SLIT3: variants seen among roughly 807,000 people sequenced by gnomAD.
SLIT3 encodes slit homolog 3 protein.
A neutral mutation model predicts 184.0 loss-of-function variants in SLIT3; 68 were observed. The observed-to-expected ratio is 0.37, with a 90% confidence interval of 0.30 to 0.45. SLIT3 has a LOEUF of 0.45. Ranked by LOEUF, SLIT3 falls within the 20% of genes least tolerant of loss-of-function variation. SLIT3 has a pLI of 1.00. For missense variants in SLIT3, 1,707 were observed against 2,026.0 expected, an observed-to-expected ratio of 0.84 and a Z score of 3.02; for synonymous variants, 831 against 828.6, an observed-to-expected ratio of 1.00 and a Z score of -0.05.
intron 27 of SLIT3, among the ~76,000 whole-genome samples, chr5:168,699,216 G>C (rs1762145869): frequency 6.6e-6 from 1 of 152,246 alleles, no homozygotes; most frequent in Admixed American, 6.5e-5. Flanking sequence ...GATGGAGCTG[G>C]CTTGGCAGGT....
intron 33 of SLIT3, among the ~76,000 whole-genome samples, chr5:168,672,372 C>T (rs761842426): frequency 2.0e-4 from 30 of 152,204 alleles, no homozygotes; most frequent in African/African-American, 6.5e-4. Flanking sequence ...TAGGATTGAA[C>T]GAGCAGTTTT....
chr5:168,790,937 A>G (rs1756341273), intron 10 of SLIT3: 1 of 152,174 alleles, frequency 6.6e-6, no homozygotes. Context: ...TTTGAACGAT[A>G]TTTCACAGGT....
At chr5:168,810,094 C>A (rs1176455282) in intron 8 of SLIT3, among the ~76,000 whole-genome samples, 1 of 152,206 alleles carries the variant, frequency 6.6e-6, no homozygotes, top group Non-Finnish European at 1.5e-5. Flanking sequence ...CCTTCCAGCC[C>A]TTACTGTCCA....
At chr5:168,877,167 A>C (rs1759761420) in intron 5 of SLIT3, among the ~76,000 whole-genome samples, 1 of 152,206 alleles carries the variant, frequency 6.6e-6, no homozygotes, top group African/African-American at 2.4e-5. Context: ...AGTAACAAGA[A>C]ATAAATGAGA....
chr5:169,141,332 G>T (rs1761728984), intron 4 of SLIT3, among the ~76,000 whole-genome samples: 3 of 152,032 alleles, frequency 2.0e-5, no homozygotes, highest in Admixed American at 2.0e-4. Context: ...TCTTAATTCT[G>T]CCTCTTTCCT....
chr5:169,114,762 C>A (rs1760587630), intron 4 of SLIT3, among the ~76,000 whole-genome samples: 2 of 152,244 alleles, frequency 1.3e-5, no homozygotes, highest in African/African-American at 4.8e-5. Context: ...CTCTCACCAC[C>A]TGGGAAGGAG....
intron 4 of SLIT3, among the ~76,000 whole-genome samples, chr5:169,109,379 C>A (rs181638967): frequency 6.6e-6 from 1 of 152,198 alleles, no homozygotes; most frequent in Non-Finnish European, 1.5e-5. Context: ...CTGCCAACAA[C>A]TGAATGAGCT....
At chr5:168,852,014 T>C (rs1038900112) in intron 5 of SLIT3, among the ~76,000 whole-genome samples, 2 of 152,174 alleles carry the variant, frequency 1.3e-5, no homozygotes, top group Non-Finnish European at 2.9e-5. Context: ...GCCTTCCTCG[T>C]TGGGAATTAG....
intron 1 of SLIT3, among the ~76,000 whole-genome samples, chr5:169,270,456 T>C (rs536222321): frequency 2.0e-4 from 31 of 152,110 alleles, no homozygotes; most frequent in Non-Finnish European, 4.6e-4. Context: ...TCATGACACA[T>C]AAAAATTATA....
intron 20 of SLIT3, among the ~76,000 whole-genome samples, chr5:168,744,700 T>C (rs4591764): frequency 0.4 from 61,140 of 152,086 alleles, 13,352 homozygotes; most frequent in East Asian, 0.55. Flanking sequence ...CATGTCTGTT[T>C]ATGGCATATT....
At chr5:168,691,549 C>A (rs897534433) in intron 29 of SLIT3, among the ~76,000 whole-genome samples, 1 of 152,204 alleles carries the variant, frequency 6.6e-6, no homozygotes, top group African/African-American at 2.4e-5. Flanking sequence ...GGGCATTCTC[C>A]TTAAAGACTC....
chr5:169,174,467 C>T (rs1390199619), intron 4 of SLIT3, among the ~76,000 whole-genome samples: 1 of 152,154 alleles, frequency 6.6e-6, no homozygotes, highest in African/African-American at 2.4e-5. Context: ...TGATCAGCTT[C>T]CAAGTTGGAA....
At chr5:168,829,053 T>C (rs1459741953) in intron 6 of SLIT3, among the ~76,000 whole-genome samples, 1 of 152,202 alleles carries the variant, frequency 6.6e-6, no homozygotes, top group Non-Finnish European at 1.5e-5. Flanking sequence ...TGGCTTCCAC[T>C]GTTCCCTTCT....
At chr5:168,735,831 C>G (rs1763420512) in intron 20 of SLIT3, among the ~76,000 whole-genome samples, 1 of 152,098 alleles carries the variant, frequency 6.6e-6, no homozygotes, top group African/African-American at 2.4e-5. Context: ...AAAATTCTTC[C>G]TGGATTCCTG....
At chr5:168,843,966 C>T (rs1758357548) in intron 6 of SLIT3, among the ~76,000 whole-genome samples, 1 of 151,986 alleles carries the variant, frequency 6.6e-6, no homozygotes, top group Non-Finnish European at 1.5e-5. Context: ...TCTCATCTCC[C>T]CCTATTTCCT....
chr5:168,855,716 G>C (rs1758838505), intron 5 of SLIT3, among the ~76,000 whole-genome samples: 1 of 152,192 alleles, frequency 6.6e-6, no homozygotes. Flanking sequence ...CCAGAGGCTG[G>C]GGGCAGGGAG....
intron 12 of SLIT3, 53 bp downstream of exon 12, chr5:168,785,854 G>A (rs1385250953): frequency 1.5e-6 from 2 of 1,305,950 alleles, no homozygotes; most frequent in Admixed American, 3.4e-5. Context: ...GTTTTCAGGT[G>A]GGAGCCTTCC....
chr5:169,234,758 G>A (rs775321381), intron 3 of SLIT3, among the ~76,000 whole-genome samples: 3 of 152,122 alleles, frequency 2.0e-5, no homozygotes, highest in Non-Finnish European at 2.9e-5. Flanking sequence ...GGCACCATGA[G>A]GCCTAAGTTC....
chr5:169,105,529 T>C (rs1374756750), intron 4 of SLIT3, among the ~76,000 whole-genome samples: 2 of 152,112 alleles, frequency 1.3e-5, no homozygotes, highest in Non-Finnish European at 2.9e-5. Context: ...GGAGTTGTCT[T>C]TGGGGTAGCA....
Sources: allele counts gnomAD v4.1 joint callset (sites outside exome capture counted in the v4.1 genomes callset), GRCh38; gene constraint gnomAD v4.1.1; transcripts MANE v1.5; gene names NCBI Gene and HGNC (gene_info 2026-07-23, HGNC 2026-07-21).